WSCD2: variants seen among roughly 807,000 people sequenced by gnomAD.
The protein encoded by WSCD2 is WSC domain sialate O sulfotransferase 2.
In WSCD2, 28 loss-of-function variants were observed where a neutral mutation model predicts 55.7. The ratio of observed to expected loss-of-function variants is 0.50; its 90% CI spans 0.37 to 0.69. The LOEUF (loss-of-function observed/expected upper bound fraction) is 0.69, where lower values mean the gene tolerates loss of function less well. Among genes scored for constraint, WSCD2 ranks in the 30% least tolerant of loss-of-function variants. WSCD2 has a pLI of 0.00. For synonymous variants in WSCD2, 301 were observed against 301.9 expected, an observed-to-expected ratio of 1.00 and a Z score of 0.03; for missense variants, 616 against 762.1, an observed-to-expected ratio of 0.81 and a Z score of 2.26.
At chr12:108,164,063 C>T (rs1879348135) in intron 1 of WSCD2, among the ~76,000 whole-genome samples, 1 of 146,512 alleles carries the variant, frequency 6.8e-6, no homozygotes, top group African/African-American at 2.5e-5. Flanking sequence ...CAGCCCAGGA[C>T]CCATGACAGA....
Position 108,248,107 on chromosome 12 carries a change from T to G in WSCD2, c.1462T>G (p.Phe488Val), listed in dbSNP as rs1890211821. The change falls in exon 9 of 9, where the codon TTT becomes GTT. Residue 488 changes from phenylalanine to valine, a missense_variant. This residue lies in a region of WSCD2 where 234 missense variants were observed against 264.6 expected (regional missense o/e 0.88). Transcript: ENST00000547525. This position sits in a 1 kb window ranked among gnomAD's most constrained non-coding sequence, Gnocchi z 4.3. ...CTTTGAGGACCTGAAGCAGGACCTC[T>G]TTGTCCAGCTGGGCCGGATGGTCAG... ...VHFEDLKQDL[F>V]VQLGRMVSLL... 1 of 1,614,210 alleles carries G rather than the reference T, an allele frequency of 6.2e-7. No individual in the cohort carries two copies. Among genetic ancestry groups the G allele is most frequent in the Non-Finnish European group, 8.5e-7 (1 of 1,180,034 alleles).
rs911641857 is a variant in WSCD2 at position 108,129,828 on chromosome 12, G to A, written c.-650G>A. ...TGCAGCAGCTGGGAAGGCGCCCACAGAGCGGGCGCGCCAAGCGGGACGCGG... is the reference window on the plus strand; with the variant it reads ...TGCAGCAGCTGGGAAGGCGCCCACAAAGCGGGCGCGCCAAGCGGGACGCGG... On this transcript the variant is annotated 5_prime_UTR_variant, in exon 1 of 9. Transcript: ENST00000547525. 4 of 152,256 alleles carry A rather than the reference G, an allele frequency of 2.6e-5. No individual in the cohort carries two copies. The highest frequency in any genetic ancestry group is 9.6e-5 in the African/African-American group (4 of 41,460). The allele number at this position is 152,256 out of a possible 1,614,324, so 9.4% of individuals were successfully genotyped here.
At chr12:108,241,553 G>A (rs1426592302) in intron 8 of WSCD2, among the ~76,000 whole-genome samples, 1 of 152,134 alleles carries the variant, frequency 6.6e-6, no homozygotes, top group African/African-American at 2.4e-5. Context: ...CCAGGGTAAG[G>A]GGGATATAGG....
intron 1 of WSCD2, among the ~76,000 whole-genome samples, chr12:108,157,308 G>A (rs1368943791): frequency 2.0e-5 from 3 of 152,116 alleles, no homozygotes; most frequent in East Asian, 1.9e-4. Context: ...TGGCACAACC[G>A]ATGAACCAAT....
intron 1 of WSCD2, among the ~76,000 whole-genome samples, chr12:108,175,466 G>A (rs73199533): frequency 0.015 from 2,325 of 152,316 alleles, 20 homozygotes; most frequent in Non-Finnish European, 0.025. Context: ...GGTTTAATAG[G>A]ATCCAGGCCG....
Position 108,235,905 on chromosome 12 carries a change from G to GC in WSCD2, c.1144+3016dup, listed in dbSNP as rs1325781058. ...GTATAGACAAAATGAAGAGCCGCTT[G>GC]CCCCCCAACAGCATCAGTCAATCTA... is the stretch of plus-strand genomic sequence containing the variant. On this transcript the variant is annotated intron_variant, in intron 7 of 8. Transcript: ENST00000547525. Among the ~76,000 whole-genome samples the GC allele has an allele frequency of 1.1e-4, 17 of 152,216 alleles. No homozygotes were observed. The South Asian group carries it at 3.3e-3, about 30-fold the overall frequency.
chr12:108,159,796 C>T (rs914818699), intron 1 of WSCD2, among the ~76,000 whole-genome samples: 8 of 152,314 alleles, frequency 5.3e-5, no homozygotes, highest in Non-Finnish European at 7.4e-5. Context: ...GGAATGCAGG[C>T]GTGGGAGGAC....
intron 3 of WSCD2, among the ~76,000 whole-genome samples, chr12:108,206,740 G>A (rs569538319): frequency 3.3e-5 from 5 of 152,214 alleles, no homozygotes; most frequent in Admixed American, 6.5e-5. Context: ...AATAGTGGCC[G>A]TGTATGCAGG....
chr12:108,243,772 T>C (rs1174281724), intron 8 of WSCD2, among the ~76,000 whole-genome samples: 29 of 152,170 alleles, frequency 1.9e-4, no homozygotes, highest in Non-Finnish European at 2.9e-5. Flanking sequence ...TGAGAAGTGC[T>C]GCTTTTGGAT....
intron 1 of WSCD2, among the ~76,000 whole-genome samples, chr12:108,158,805 A>G (rs75684226): frequency 0.034 from 5,183 of 152,200 alleles, 303 homozygotes; most frequent in African/African-American, 0.12. Flanking sequence ...TCAAGCCACA[A>G]GTATTACCTG....
Position 108,235,524 on chromosome 12 carries a change from C to G in WSCD2, c.1144+2629C>G, listed in dbSNP as rs146577269. On this transcript the variant is annotated intron_variant, in intron 7 of 8. Transcript: ENST00000547525. ...GACAAAGAACCCAGCATTCTTACTTCCAGACCCAAAACATTCCAAAAATTC... is the reference window on the plus strand; with the variant it reads ...GACAAAGAACCCAGCATTCTTACTTGCAGACCCAAAACATTCCAAAAATTC... 4.2e-3 allele frequency among the ~76,000 whole-genome samples: 646 copies of G among 152,294 alleles called. 7 individuals are homozygous for G. The highest frequency in any genetic ancestry group is 7.0e-3 in the Non-Finnish European group (476 of 68,028).
chr12:108,196,365 T>C, intron 2 of WSCD2, 151 bp downstream of exon 2: 1 of 1,229,836 alleles, frequency 8.1e-7, no homozygotes, highest in Non-Finnish European at 1.1e-6. Flanking sequence ...ATCATCCCCA[T>C]TGCACAGAGG....
intron 2 of WSCD2, among the ~76,000 whole-genome samples, chr12:108,199,025 A>T (rs1884320519): frequency 1.3e-5 from 2 of 152,166 alleles, no homozygotes; most frequent in Admixed American, 1.3e-4. Flanking sequence ...CAGCAATCTT[A>T]TATATTTTAT....
At chr12:108,153,844 C>T (rs188978754) in intron 1 of WSCD2, among the ~76,000 whole-genome samples, 1 of 152,122 alleles carries the variant, frequency 6.6e-6, no homozygotes, top group East Asian at 1.9e-4. Context: ...ATGTGGTTCC[C>T]CCAGGCCACC....
Position 108,196,013 on chromosome 12 carries a change from G to A in WSCD2, c.181G>A (p.Gly61Ser). The A allele has an allele frequency of 1.2e-6, 2 of 1,614,226 alleles. No homozygotes were observed. The highest frequency in any genetic ancestry group is 1.7e-6 in the Non-Finnish European group (2 of 1,180,042). ...CGCTGCTGCAGGAGGCCCAGCTGAGGGTGCTGAGCTGTCCTTCTTGGGTGA... is the reference window on the plus strand; with the variant it reads ...CGCTGCTGCAGGAGGCCCAGCTGAGAGTGCTGAGCTGTCCTTCTTGGGTGA... The part of the protein sequence containing the change: ...NPAAAGGPAE[G>S]AELSFLGDMH... The change falls in exon 2 of 9, where the codon GGT (glycine) becomes AGT (serine). Residue 61 changes from glycine to serine, a missense_variant. Gly to Ser is a moderately conservative substitution (Grantham distance 56). This residue lies in a region of WSCD2 where 374 missense variants were observed against 467.4 expected (regional missense o/e 0.80). Transcript: ENST00000547525.
At chr12:108,146,897 T>G (rs1471838072) in intron 1 of WSCD2, among the ~76,000 whole-genome samples, 4 of 152,242 alleles carry the variant, frequency 2.6e-5, no homozygotes, top group Non-Finnish European at 4.4e-5. Context: ...CGGCCAGTCC[T>G]TTTGGATTAT....
intron 1 of WSCD2, among the ~76,000 whole-genome samples, chr12:108,150,741 C>T (rs772662011): frequency 7.9e-5 from 12 of 152,292 alleles, no homozygotes; most frequent in African/African-American, 9.6e-5. Context: ...CCACCCTGCC[C>T]GGATACGACT....
Position 108,248,865 on chromosome 12 carries a change from G to T in WSCD2, c.*522G>T, listed in dbSNP as rs994249818. 72 of 988,550 alleles carry T rather than the reference G, an allele frequency of 7.3e-5. No homozygotes were observed. The highest frequency in any genetic ancestry group is 8.3e-5 in the Non-Finnish European group (69 of 831,682). 61.2% of individuals were successfully genotyped at this position (988,550 alleles called of 1,614,324 possible). On this transcript the variant is annotated 3_prime_UTR_variant, in exon 9 of 9. Transcript: ENST00000547525. This position sits in a 1 kb window ranked among gnomAD's most constrained non-coding sequence, Gnocchi z 4.3. ...CAGGCCACCTTCTGTTCTAAAGAAA[G>T]ATTGCTGGGAAGTTTCTCCGTGGCC...
intron 8 of WSCD2, among the ~76,000 whole-genome samples, chr12:108,246,272 G>A (rs1162828263): frequency 6.6e-6 from 1 of 152,232 alleles, no homozygotes; most frequent in Non-Finnish European, 1.5e-5. Flanking sequence ...CCATCACCCA[G>A]CAAGGGACTA....
Sources: gnomAD v4.1 joint callset for allele counts (sites outside exome capture counted in the v4.1 genomes callset) on GRCh38, gnomAD v4.1.1 for gene constraint, gnomAD v4.1.1 regional missense constraint, Gnocchi (gnomAD v3.1) non-coding constraint, MANE v1.5 for transcripts, NCBI Gene and HGNC (gene_info 2026-07-23, HGNC 2026-07-21) for gene names.